The following SGO2 variants were observed in gnomAD, a reference collection of about 807,000 sequenced individuals.
The protein encoded by SGO2 is shugoshin-like 2.
In SGO2, 68 loss-of-function variants were observed where a neutral mutation model predicts 99.5. That is an observed-to-expected ratio of 0.68 (90% CI 0.56 to 0.84). The LOEUF (loss-of-function observed/expected upper bound fraction) is 0.84. Among genes scored for constraint, SGO2 ranks in the 40% least tolerant of loss-of-function variants. The probability of loss-of-function intolerance (pLI) is 0.00; values close to 1 mark genes in which losing one functional copy is unlikely to be tolerated. For missense variants in SGO2, 1,350 were observed against 1,436.7 expected (o/e 0.94, Z 0.97); for synonymous variants, 457 against 487.1 (o/e 0.94, Z 0.81).
chr2:200,566,661 G>A (rs1008514003), intron 5 of SGO2, among the ~76,000 whole-genome samples: 8 of 152,134 alleles, frequency 5.3e-5, no homozygotes, highest in African/African-American at 9.7e-5. Context: ...TATGCCCTCC[G>A]CCAGAGGTGG....
At chr2:200,547,984 C>T (rs2032307429) in intron 5 of SGO2, among the ~76,000 whole-genome samples, 1 of 151,168 alleles carries the variant, frequency 6.6e-6, no homozygotes, top group Non-Finnish European at 1.5e-5. Context: ...AACACTGCAG[C>T]TCCATATAAA....
chr2:200,528,697 G>A (rs1021522017), intron 1 of SGO2, among the ~76,000 whole-genome samples: 13 of 152,156 alleles, frequency 8.5e-5, no homozygotes, highest in Admixed American at 6.5e-4. Context: ...AGATTTAAAA[G>A]CCAGGATACT....
intron 4 of SGO2, among the ~76,000 whole-genome samples, chr2:200,537,984 T>G (rs1040678624): frequency 2.0e-5 from 3 of 152,202 alleles, no homozygotes; most frequent in Non-Finnish European, 4.4e-5. Context: ...TCTACAATTC[T>G]ACCAGTTCTC....
At chr2:200,569,960 G>C (rs759436150) in intron 6 of SGO2, 68 bp downstream of exon 6, 2 of 1,027,594 alleles carry the variant, frequency 1.9e-6, no homozygotes, top group South Asian at 2.9e-5. Context: ...TTCTTCCTGA[G>C]GGCAATTATG....
chr2:200,552,146 C>T (rs766926927), intron 5 of SGO2, among the ~76,000 whole-genome samples: 2 of 152,074 alleles, frequency 1.3e-5, no homozygotes, highest in Non-Finnish European at 2.9e-5. Flanking sequence ...ATATTCTCTC[C>T]ATGTTTTGTA....
At chr2:200,554,722 A>G (rs1449703103) in intron 5 of SGO2, among the ~76,000 whole-genome samples, 3 of 152,180 alleles carry the variant, frequency 2.0e-5, no homozygotes, top group African/African-American at 7.2e-5. Context: ...AAGAAAGGCA[A>G]ACACTCACAT....
At chr2:200,565,396 C>G (rs1177114283) in intron 5 of SGO2, among the ~76,000 whole-genome samples, 2 of 152,238 alleles carry the variant, frequency 1.3e-5, no homozygotes, top group Non-Finnish European at 2.9e-5. Flanking sequence ...GGCCCCCACT[C>G]TCTTCTGGCT....
At chr2:200,548,169 A>G (rs574177453) in intron 5 of SGO2, among the ~76,000 whole-genome samples, 28 of 151,030 alleles carry the variant, frequency 1.9e-4, no homozygotes, top group African/African-American at 6.6e-4. Context: ...CAGCTGCTGC[A>G]GAATACACAT....
At chr2:200,557,957 G>A (rs923187233) in intron 5 of SGO2, among the ~76,000 whole-genome samples, 5 of 150,056 alleles carry the variant, frequency 3.3e-5, no homozygotes, top group African/African-American at 7.4e-5. Context: ...TCTGCCTCCT[G>A]GGTTCAAGCG....
intron 8 of SGO2, among the ~76,000 whole-genome samples, chr2:200,578,818 T>C (rs552517497): frequency 4.6e-5 from 7 of 152,350 alleles, no homozygotes; most frequent in Admixed American, 3.9e-4. Flanking sequence ...TAGTATCCTC[T>C]CATGGTTTTT....
intron 8 of SGO2, among the ~76,000 whole-genome samples, chr2:200,577,386 T>C (rs2033702483): frequency 6.6e-6 from 1 of 152,226 alleles, no homozygotes; most frequent in Non-Finnish European, 1.5e-5. Flanking sequence ...ATTTGCCTTT[T>C]AATGAGTTGT....
At chr2:200,578,636 T>A (rs2033742829) in intron 8 of SGO2, among the ~76,000 whole-genome samples, 1 of 152,222 alleles carries the variant, frequency 6.6e-6, no homozygotes, top group South Asian at 2.1e-4. Context: ...CTTTACAGCA[T>A]GGCCACTTAC....
In SGO2 at chr2:200,572,895, A is replaced by C; in HGVS notation, c.2549A>C (p.Glu850Ala). 6.3e-7 allele frequency: 1 copy of C among 1,591,450 alleles called. No homozygotes were observed. Among genetic ancestry groups the C allele is most frequent in the Non-Finnish European group, 8.5e-7 (1 of 1,173,032 alleles). The part of the protein sequence containing the change: ...NFFSLTPKDK[E>A]TISENLQVTN... Reference sequence around the variant, plus strand: ...TTCTCTCTAACCCCAAAGGATAAAGAAACAATTTCTGAAAATCTACAAGTC... The same window carrying C: ...TTCTCTCTAACCCCAAAGGATAAAGCAACAATTTCTGAAAATCTACAAGTC... Residue 850 changes from glutamate (E) to alanine (A), a missense_variant, in exon 7 of 9, where the codon GAA becomes GCA. Coordinates refer to ENST00000357799, the MANE Select transcript of SGO2 (RefSeq NM_152524.6).
intron 3 of SGO2, 30 bp downstream of exon 3, chr2:200,535,201 A>G: frequency 7.0e-7 from 1 of 1,424,708 alleles, no homozygotes. Flanking sequence ...TTTGAATTCT[A>G]ATTATAACTT....
intron 4 of SGO2, among the ~76,000 whole-genome samples, chr2:200,540,795 C>T (rs1219099949): frequency 1.3e-5 from 2 of 152,194 alleles, no homozygotes; most frequent in Non-Finnish European, 2.9e-5. Context: ...TTAGAGATAG[C>T]AAGGGACCAG....
chr2:200,572,855 G>A lies in SGO2; in HGVS notation c.2509G>A (p.Glu837Lys). ...TGATAACAAAGGTGTACATGACCTA[G>A]AAAAAGATAACTTCTTCTCTCTAAC... ...ENDNKGVHDL[E>K]KDNFFSLTPK... Residue 837 changes from glutamate (E) to lysine (K), a missense_variant, in exon 7 of 9, where the codon GAA becomes AAA. Transcript: ENST00000357799. The A allele has an allele frequency of 6.3e-7, 1 of 1,596,452 alleles. No homozygotes were observed. Among genetic ancestry groups the A allele is most frequent in the Non-Finnish European group, 8.5e-7 (1 of 1,175,048 alleles).
At chr2:200,554,636 T>C (rs766974222) in intron 5 of SGO2, among the ~76,000 whole-genome samples, 2 of 152,212 alleles carry the variant, frequency 1.3e-5, no homozygotes, top group Non-Finnish European at 2.9e-5. Flanking sequence ...ATTAATAACA[T>C]ACACTAAGCC....
chr2:200,548,762 AC>A (rs1224795288), intron 5 of SGO2, among the ~76,000 whole-genome samples: 1 of 152,148 alleles, frequency 6.6e-6, no homozygotes, highest in Non-Finnish European at 1.5e-5. Flanking sequence ...ATGAGACATA[AC>A]ACCTCAGACC....
chr2:200,582,390 ATCT>A (rs1000959451), intron 8 of SGO2, among the ~76,000 whole-genome samples: 1 of 152,136 alleles, frequency 6.6e-6, no homozygotes, highest in Non-Finnish European at 1.5e-5. Flanking sequence ...AGTCTAATAG[ATCT>A]TCTTCCATAA....
Sources: gnomAD v4.1 joint callset for allele counts (sites outside exome capture counted in the v4.1 genomes callset) on GRCh38, gnomAD v4.1.1 for gene constraint, MANE v1.5 for transcripts, NCBI Gene and HGNC (gene_info 2026-07-23, HGNC 2026-07-21) for gene names.